Variants in ZKSCAN1 observed in about 807,000 individuals in gnomAD.
ZKSCAN1 encodes zinc finger protein with KRAB and SCAN domains 1.
In ZKSCAN1, 14 loss-of-function variants were observed where a neutral mutation model predicts 51.6. That is an observed-to-expected ratio of 0.27 (90% CI 0.18 to 0.42). The LOEUF is 0.42. Ranked by LOEUF, ZKSCAN1 falls within the 10% of genes least tolerant of loss-of-function variation. ZKSCAN1 has a pLI of 1.00. For synonymous variants in ZKSCAN1, 263 were observed against 261.5 expected (o/e 1.01, Z -0.06); for missense variants, 531 against 710.0 (o/e 0.75, Z 2.86).
rs946487420 is a variant in ZKSCAN1, at chr7:100,023,652, C to T, written c.146C>T (p.Pro49Leu). The T allele has an allele frequency of 2.5e-6, 4 of 1,614,128 alleles. No homozygotes were observed. The highest frequency in any genetic ancestry group is 1.3e-5 in the African/African-American group (1 of 75,046). ...GQDSTLQDTP[P>L]PDPEIFRQRF... ...GATTCCACCCTACAGGACACGCCTC[C>T]TCCAGACCCAGAGATATTCCGCCAA... Residue 49 changes from proline to leucine, a missense_variant, in exon 2 of 6, where the codon CCT becomes CTT. Physicochemically the swap from Pro to Leu is moderately conservative, Grantham distance 98. Transcript: ENST00000324306.
At chr7:100,021,360 G>A (rs965915514) in intron 1 of ZKSCAN1, among the ~76,000 whole-genome samples, 2 of 151,788 alleles carry the variant, frequency 1.3e-5, no homozygotes, top group African/African-American at 4.8e-5. Flanking sequence ...GACCGCAGGT[G>A]GCCCCCTGCT....
intron 5 of ZKSCAN1, 126 bp downstream of exon 5, chr7:100,030,501 C>T (rs1791061280): frequency 5.1e-6 from 6 of 1,167,054 alleles, no homozygotes; most frequent in Non-Finnish European, 7.1e-6. Context: ...TTTTGTAGAC[C>T]AGATGGAAAG....
intron 1 of ZKSCAN1, among the ~76,000 whole-genome samples, chr7:100,018,987 A>C (rs975133284): frequency 6.6e-6 from 1 of 152,222 alleles, no homozygotes; most frequent in Non-Finnish European, 1.5e-5. Context: ...TCAATAGCTA[A>C]GGCAGGATAA....
At position 100,033,610 on chromosome 7, in the gene ZKSCAN1, G is replaced by GATC. The variant is rs780324125; in HGVS notation, c.1106_1107insTCA (p.Glu369delinsAspGln). The GATC allele has an allele frequency of 1.2e-6, 2 of 1,614,116 alleles. No individual in the cohort carries two copies. Among genetic ancestry groups the GATC allele is most frequent in the Non-Finnish European group, 1.7e-6 (2 of 1,180,050 alleles). Reference sequence around the variant, plus strand: ...GAGCTCCAACTTCACCACCCCTGAAGAAGTTCCCACGGGAACAAAGTCTCA... The same window carrying GATC: ...GAGCTCCAACTTCACCACCCCTGAAGATCAAGTTCCCACGGGAACAAAGTCTCA... On this transcript the variant is annotated protein_altering_variant, in exon 6 of 6. Coordinates refer to ENST00000324306, the MANE Select transcript of ZKSCAN1 (RefSeq NM_003439.4). This position sits in a 1 kb window ranked among gnomAD's most constrained non-coding sequence, Gnocchi z 4.1.
In ZKSCAN1 at chr7:100,035,142, G is replaced by C. The variant is rs1791298985; in HGVS notation, c.*945G>C. The C allele has an allele frequency of 6.6e-6, 1 of 152,574 alleles. No homozygotes were observed. Among genetic ancestry groups the C allele is most frequent in the African/African-American group, 2.4e-5 (1 of 41,426 alleles). The allele number at this position is 152,574 out of a possible 1,614,324, so 9.5% of individuals were successfully genotyped here. On this transcript the variant is annotated 3_prime_UTR_variant, in exon 6 of 6. Coordinates refer to ENST00000324306, the MANE Select transcript of ZKSCAN1 (RefSeq NM_003439.4). ...TGAACACCTAAGAGGCACTCATTCA[G>C]ACTGACTTCTACAGGACTTCTACGT...
In ZKSCAN1 at chr7:100,040,800, C is replaced by T. The variant is rs1178560620; in HGVS notation, c.*6603C>T. On this transcript the variant is annotated 3_prime_UTR_variant, in exon 6 of 6. Transcript: ENST00000324306. The stretch of plus-strand genomic sequence containing the variant: ...CTCACCTCAACCAGAGAAGAGCATC[C>T]GGTTGCTTTTTAAAGCTTTTAGCCT... 3.6e-5 allele frequency: 35 copies of T among 985,244 alleles called. No individual in the cohort carries two copies. Among genetic ancestry groups the T allele is most frequent in the Non-Finnish European group, 4.1e-5 (34 of 829,950 alleles). The allele number at this position is 985,244 out of a possible 1,614,324, so 61.0% of individuals were successfully genotyped here.
chr7:100,016,795 C>G (rs1276895473), intron 1 of ZKSCAN1: 1 of 152,142 alleles, frequency 6.6e-6, no homozygotes, highest in Non-Finnish European at 1.5e-5. Flanking sequence ...TCAATAAATA[C>G]TTGTTGAATT....
intron 2 of ZKSCAN1, 39 bp from the exon 3 acceptor site, chr7:100,024,115 A>G: frequency 6.4e-7 from 1 of 1,574,388 alleles, no homozygotes; most frequent in Non-Finnish European, 8.6e-7. Flanking sequence ...TCCCATTTAC[A>G]AAGTGATTTA....
chr7:100,022,327 A>G (rs1790625864), intron 1 of ZKSCAN1, among the ~76,000 whole-genome samples: 1 of 152,256 alleles, frequency 6.6e-6, no homozygotes, highest in African/African-American at 2.4e-5. Flanking sequence ...TTTTGGGATT[A>G]TAGGCATGAG....
chr7:100,042,260 A>C (rs763342221), downstream of ZKSCAN1, among the ~76,000 whole-genome samples: 17 of 149,330 alleles, frequency 1.1e-4, no homozygotes, highest in Non-Finnish European at 1.8e-4. Context: ...GGGAGGTTGC[A>C]GTGAGCCGAG....
intron 5 of ZKSCAN1, among the ~76,000 whole-genome samples, chr7:100,032,127 T>A (rs973435327): frequency 6.6e-6 from 1 of 152,228 alleles, no homozygotes; most frequent in African/African-American, 2.4e-5. Flanking sequence ...ATCAGCTTGT[T>A]GATAGAAAAC....
At chr7:100,027,578 C>CT (rs568761350) in intron 3 of ZKSCAN1, among the ~76,000 whole-genome samples, 80 of 151,710 alleles carry the variant, frequency 5.3e-4, no homozygotes, top group South Asian at 8.3e-4. Context: ...GAAACCCCGT[C>CT]TCTCCTAAAA....
At chr7:100,045,239 G>C (rs184067602), downstream of ZKSCAN1, among the ~76,000 whole-genome samples, 54 of 149,372 alleles carry the variant, frequency 3.6e-4, 2 homozygotes, top group Middle Eastern at 7.2e-3. Context: ...AAACCCCTAC[G>C]AAACATTTTT....
chr7:100,040,112 T>C lies in ZKSCAN1; in HGVS notation c.*5915T>C, dbSNP rs1432114826. Reference sequence around the variant, plus strand: ...GCTTTGTGAAACAAACTTGAAGTTATAGGGAGGTAAGCCATCTCCAACTCT... The same window carrying C: ...GCTTTGTGAAACAAACTTGAAGTTACAGGGAGGTAAGCCATCTCCAACTCT... On this transcript the variant is annotated 3_prime_UTR_variant, in exon 6 of 6. Transcript: ENST00000324306. The C allele has an allele frequency of 1.7e-5, 16 of 949,794 alleles. No individual in the cohort carries two copies. Among genetic ancestry groups the C allele is most frequent in the East Asian group, 1.2e-4 (1 of 8,594 alleles). The allele number at this position is 949,794 out of a possible 1,614,324, so 58.8% of individuals were successfully genotyped here. A position where few individuals can be genotyped will look rare whatever the true frequency, so the allele number is the denominator to read the frequency against.
intron 1 of ZKSCAN1, among the ~76,000 whole-genome samples, chr7:100,017,224 A>G (rs1790405545): frequency 6.6e-6 from 1 of 152,102 alleles, no homozygotes; most frequent in South Asian, 2.1e-4. Flanking sequence ...TATTTAAAAA[A>G]AAATTTTTTT....
At position 100,018,578 on chromosome 7, in the gene ZKSCAN1, C is replaced by G. The variant is rs150608864; in HGVS notation, c.-89+2852C>G. ...TAATTTTTTATATTTTTAGTAGAGA[C>G]GGGGTTTCATCGTGTTACCAGGATG... On this transcript the variant is annotated intron_variant, in intron 1 of 5. Transcript: ENST00000324306. Among the ~76,000 whole-genome samples, 653 of 152,094 alleles carry G rather than the reference C, an allele frequency of 4.3e-3. 6 individuals carry two copies. The highest frequency in any genetic ancestry group is 0.015 in the African/African-American group (619 of 41,484).
intron 4 of ZKSCAN1, 91 bp downstream of exon 4, chr7:100,030,043 C>G: frequency 1.4e-6 from 2 of 1,464,238 alleles, no homozygotes; most frequent in Non-Finnish European, 1.9e-6. Context: ...ACTCTGGATG[C>G]CCCTGCTCTC....
intron 5 of ZKSCAN1, among the ~76,000 whole-genome samples, chr7:100,031,163 A>T (rs2115918943): frequency 6.6e-6 from 1 of 152,290 alleles, no homozygotes; most frequent in East Asian, 1.9e-4. Flanking sequence ...AGGGAGTGTG[A>T]ATAAAGCGTG....
At position 100,038,275 on chromosome 7, in the gene ZKSCAN1, C is replaced by T; in HGVS notation, c.*4078C>T. The T allele has an allele frequency of 1.0e-6, 1 of 985,330 alleles. No individual in the cohort carries two copies. The highest frequency in any genetic ancestry group is 1.2e-6 in the Non-Finnish European group (1 of 829,934). 61.0% of individuals were successfully genotyped at this position (985,330 alleles called of 1,614,324 possible). ...TTATTTTAGCCTATTTGACAGAACA[C>T]ATCACTCAGAAAAAGTGAAGTTTCA... On this transcript the variant is annotated 3_prime_UTR_variant, in exon 6 of 6. Transcript: ENST00000324306.
Sources: allele counts gnomAD v4.1 joint callset (sites outside exome capture counted in the v4.1 genomes callset), GRCh38; gene constraint gnomAD v4.1.1; non-coding constraint Gnocchi (gnomAD v3.1); transcripts MANE v1.5; gene names NCBI Gene and HGNC (gene_info 2026-07-23, HGNC 2026-07-21).